AOAH: variants seen among roughly 807,000 people sequenced by gnomAD.
AOAH encodes acyloxyacyl hydrolase, also known as acyloxyacyl hydrolase (neutrophil).
AOAH carries 64 observed loss-of-function variants against 92.2 expected under a neutral mutation model. The ratio of observed to expected loss-of-function variants is 0.69; its 90% CI spans 0.57 to 0.86. The LOEUF is 0.86. Ranked by LOEUF, AOAH falls within the 40% of genes least tolerant of loss-of-function variation. The pLI is 0.00. For missense variants in AOAH, 656 were observed against 694.6 expected (o/e 0.94, Z 0.62); for synonymous variants, 263 against 254.5 (o/e 1.03, Z -0.32).
At chr7:36,600,788 G>A (rs1256523043) in intron 11 of AOAH, among the ~76,000 whole-genome samples, 1 of 152,294 alleles carries the variant, frequency 6.6e-6, no homozygotes, top group Non-Finnish European at 1.5e-5. Flanking sequence ...GAGGCTTCCT[G>A]GTTGCCTGTT....
intron 2 of AOAH, among the ~76,000 whole-genome samples, chr7:36,684,875 T>C (rs10245256): frequency 0.02 from 2,420 of 119,618 alleles, 86 homozygotes; most frequent in African/African-American, 0.077. Flanking sequence ...AGTGAGCAGT[T>C]CACCCTGGGC....
chr7:36,647,376 A>G (rs1794289826), intron 4 of AOAH, among the ~76,000 whole-genome samples: 1 of 152,198 alleles, frequency 6.6e-6, no homozygotes, highest in Non-Finnish European at 1.5e-5. Context: ...TAAAGCCTTA[A>G]AACTCAAAGG....
chr7:36,656,402 A>G (rs1235282666), intron 4 of AOAH, among the ~76,000 whole-genome samples: 1 of 152,118 alleles, frequency 6.6e-6, no homozygotes, highest in Non-Finnish European at 1.5e-5. Flanking sequence ...GAGTCATGAG[A>G]ATTCCTTCTG....
intron 13 of AOAH, among the ~76,000 whole-genome samples, chr7:36,567,107 TG>T (rs1002725142): frequency 6.6e-6 from 1 of 152,196 alleles, no homozygotes; most frequent in African/African-American, 2.4e-5. Flanking sequence ...CCACCGTGCC[TG>T]GCCACTGCTC....
intron 17 of AOAH, 30 bp downstream of exon 17, chr7:36,532,256 G>A (rs755601412): frequency 1.2e-5 from 19 of 1,614,012 alleles, no homozygotes; most frequent in South Asian, 4.4e-5. Context: ...GTAGGTAAGC[G>A]GGCCTTGAAG....
chr7:36,575,982 C>T (rs1188162820), intron 13 of AOAH, among the ~76,000 whole-genome samples: 1 of 152,184 alleles, frequency 6.6e-6, no homozygotes, highest in African/African-American at 2.4e-5. Flanking sequence ...CTTAGGAAGA[C>T]AGAGTGGCAA....
chr7:36,672,781 T>C (rs1486237207), intron 3 of AOAH, among the ~76,000 whole-genome samples: 1 of 151,768 alleles, frequency 6.6e-6, no homozygotes, highest in Non-Finnish European at 1.5e-5. Context: ...GAACTTAAAG[T>C]TAAAAAAAAA....
Position 36,517,212 on chromosome 7 carries a change from T to TTCTTTCTTTCTTTCTTTC in AOAH, c.1600-3833_1600-3832insGAAAGAAAGAAAGAAAGA, listed in dbSNP as rs1474223898. 9.4e-3 allele frequency among the ~76,000 whole-genome samples: 198 copies of TTCTTTCTTTCTTTCTTTC among 21,158 alleles called. 5 individuals carry two copies. The highest frequency in any genetic ancestry group is 0.02 in the African/African-American group (186 of 9,350). 13.9% of individuals were successfully genotyped at this position (21,158 alleles called of 152,430 possible). A position where few individuals can be genotyped will look rare whatever the true frequency, so the allele number is the denominator to read the frequency against. On this transcript the variant is annotated intron_variant, in intron 20 of 20. Transcript: ENST00000617537. ...TTTCTTTCTTTCTTTCTTTCTTTCT[T>TTCTTTCTTTCTTTCTTTC]TCTCTTTCTTTCTGTCTCTCTCTCT...
At chr7:36,569,511 A>ATCTG (rs747085404) in intron 13 of AOAH, among the ~76,000 whole-genome samples, 1 of 143,898 alleles carries the variant, frequency 6.9e-6, no homozygotes, top group Non-Finnish European at 1.5e-5. Context: ...CTATCTATCT[A>ATCTG]TCTGTCTATC....
At position 36,565,017 on chromosome 7, in the gene AOAH, T is replaced by C. The variant is rs558493051; in HGVS notation, c.1021+11557A>G. On this transcript the variant is annotated intron_variant, in intron 13 of 20. Coordinates refer to ENST00000617537, the MANE Select transcript of AOAH (RefSeq NM_001637.4). ...GAGTAATAACAGAGTGATTTCTAAA[T>C]GAGATATGTCATATTGAATTCTTTC... Among the ~76,000 whole-genome samples the C allele has an allele frequency of 9.2e-5, 14 of 152,358 alleles. No individual in the cohort carries two copies. The East Asian group carries it at 1.5e-3, about 17-fold the overall frequency.
At chr7:36,704,120 T>C (rs956569481) in intron 1 of AOAH, among the ~76,000 whole-genome samples, 3 of 152,224 alleles carry the variant, frequency 2.0e-5, no homozygotes, top group East Asian at 1.9e-4. Context: ...GAGGTTTTTT[T>C]TTCATGTTTG....
At position 36,549,520 on chromosome 7, in the gene AOAH, A is replaced by G. The variant is rs371956492; in HGVS notation, c.1022-45T>C. On this transcript the variant is annotated intron_variant, in intron 13 of 20. Coordinates refer to ENST00000617537, the MANE Select transcript of AOAH (RefSeq NM_001637.4). Reference sequence around the variant, plus strand: ...AAAACAATTAAAGTTAGTGAGTTCAATTTCACACTATCAATATGGGAGTCT... The same window carrying G: ...AAAACAATTAAAGTTAGTGAGTTCAGTTTCACACTATCAATATGGGAGTCT... The G allele has an allele frequency of 1.1e-4, 141 of 1,315,554 alleles. No individual in the cohort carries two copies. In the African/African-American group the frequency reaches 1.6e-3, roughly 15 times the overall value. 81.5% of individuals were successfully genotyped at this position (1,315,554 alleles called of 1,614,324 possible).
At chr7:36,539,822 G>A (rs895979965) in intron 16 of AOAH, among the ~76,000 whole-genome samples, 73 of 152,198 alleles carry the variant, frequency 4.8e-4, no homozygotes, top group Admixed American at 1.0e-3. Context: ...GAGAATATTT[G>A]AGTTGCCATT....
intron 1 of AOAH, among the ~76,000 whole-genome samples, chr7:36,723,461 G>A (rs12669019): frequency 0.085 from 12,913 of 152,236 alleles, 697 homozygotes; most frequent in East Asian, 0.2. Flanking sequence ...GAGACGGAAG[G>A]AAGCTAAGAT....
Position 36,518,366 on chromosome 7 carries a change from C to A in AOAH, c.1599+3673G>T, listed in dbSNP as rs1168613916. Among the ~76,000 whole-genome samples the A allele has an allele frequency of 1.3e-5, 2 of 152,130 alleles. 1 individual carries two copies. Among genetic ancestry groups the A allele is most frequent in the East Asian group, 3.9e-4 (2 of 5,176 alleles). ...GGGACTACAGGCATGCACCACCACG[C>A]CTGGCTAATTTTTGTATTTTTAGTA... is the stretch of plus-strand genomic sequence containing the variant. On this transcript the variant is annotated intron_variant, in intron 20 of 20. Coordinates refer to ENST00000617537, the MANE Select transcript of AOAH (RefSeq NM_001637.4).
At chr7:36,633,574 C>T (rs1178000151) in intron 5 of AOAH, among the ~76,000 whole-genome samples, 1 of 152,132 alleles carries the variant, frequency 6.6e-6, no homozygotes, top group Non-Finnish European at 1.5e-5. Flanking sequence ...GAATGCCAAA[C>T]ATTCCCACCT....
At chr7:36,684,846 C>T (rs944198873) in intron 2 of AOAH, among the ~76,000 whole-genome samples, 1 of 129,626 alleles carries the variant, frequency 7.7e-6, no homozygotes, top group Non-Finnish European at 1.6e-5. Context: ...ATCTCATGAG[C>T]CCGGGAGGTC....
At chr7:36,699,640 T>C (rs1167524024) in intron 1 of AOAH, among the ~76,000 whole-genome samples, 2 of 130,036 alleles carry the variant, frequency 1.5e-5, no homozygotes, top group Non-Finnish European at 3.1e-5. Flanking sequence ...ATTATTTGTT[T>C]TTTTTTTTTT....
intron 3 of AOAH, among the ~76,000 whole-genome samples, chr7:36,670,089 G>A (rs956266204): frequency 1.3e-5 from 2 of 151,758 alleles, no homozygotes; most frequent in African/African-American, 2.4e-5. Context: ...AACATCTTGT[G>A]GCTCTGCCTG....
Sources: gnomAD v4.1 joint callset for allele counts (sites outside exome capture counted in the v4.1 genomes callset) on GRCh38, gnomAD v4.1.1 for gene constraint, MANE v1.5 for transcripts, NCBI Gene and HGNC (gene_info 2026-07-23, HGNC 2026-07-21) for gene names.